Variants in PPP1R12A observed in about 807,000 individuals in gnomAD.
PPP1R12A encodes the protein protein phosphatase 1 regulatory subunit 12A.
PPP1R12A carries 19 observed loss-of-function variants against 139.6 expected under a neutral mutation model. The ratio of observed to expected loss-of-function variants is 0.14; its 90% CI spans 0.09 to 0.20. PPP1R12A has a LOEUF of 0.20. Ranked by LOEUF, PPP1R12A falls within the 10% of genes least tolerant of loss-of-function variation. The probability of loss-of-function intolerance (pLI) is 1.00; values close to 1 mark genes in which losing one functional copy is unlikely to be tolerated. For synonymous variants in PPP1R12A, 427 were observed against 420.6 expected, an observed-to-expected ratio of 1.02 and a Z score of -0.19; for missense variants, 925 against 1,211.5, an observed-to-expected ratio of 0.76 and a Z score of 3.51.
At chr12:79,888,353 T>C (rs1884293002) in intron 1 of PPP1R12A, among the ~76,000 whole-genome samples, 1 of 152,074 alleles carries the variant, frequency 6.6e-6, no homozygotes, top group South Asian at 2.1e-4. Context: ...ATACATTAGA[T>C]TGTGAACCAC....
At chr12:79,809,748 A>G in intron 10 of PPP1R12A, 47 bp downstream of exon 10, 4 of 1,448,306 alleles carry the variant, frequency 2.8e-6, no homozygotes, top group African/African-American at 1.4e-5. Context: ...TTCCTGGAAA[A>G]GAAATCATAA....
intron 3 of PPP1R12A, among the ~76,000 whole-genome samples, chr12:79,841,955 A>G (rs1308555174): frequency 1.3e-5 from 2 of 151,950 alleles, no homozygotes; most frequent in African/African-American, 2.4e-5. Context: ...ATCACTTTTT[A>G]TAACACCTCA....
At chr12:79,814,837 A>AAAAAAAAAAAAAAAAAAT (rs1255673726) in intron 9 of PPP1R12A, among the ~76,000 whole-genome samples, 1 of 151,044 alleles carries the variant, frequency 6.6e-6, no homozygotes, top group Non-Finnish European at 1.5e-5. Flanking sequence ...AAAAAAAAAA[A>AAAAAAAAAAAAAAAAAAT]AAAATTCAAA....
chr12:79,798,734 A>C (rs898762582), intron 14 of PPP1R12A, 150 bp from the exon 15 acceptor site: 2 of 405,666 alleles, frequency 4.9e-6, no homozygotes, highest in African/African-American at 4.1e-5. Context: ...AAATTCAATA[A>C]TGCAATCTTA....
intron 1 of PPP1R12A, among the ~76,000 whole-genome samples, chr12:79,917,189 C>A (rs1887061932): frequency 6.6e-6 from 1 of 152,068 alleles, no homozygotes; most frequent in South Asian, 2.1e-4. Context: ...CCATGTTATA[C>A]AGAGTTAAGA....
chr12:79,817,816 A>T (rs1875594038), intron 8 of PPP1R12A, among the ~76,000 whole-genome samples: 1 of 152,248 alleles, frequency 6.6e-6, no homozygotes, highest in African/African-American at 2.4e-5. Context: ...GAAATTTAAG[A>T]TTTAAAACTT....
At chr12:79,875,868 C>A (rs1333028339) in intron 1 of PPP1R12A, among the ~76,000 whole-genome samples, 1 of 152,018 alleles carries the variant, frequency 6.6e-6, no homozygotes, top group East Asian at 1.9e-4. Context: ...ACTTAACCAC[C>A]AAAGGAAGTT....
At chr12:79,799,188 G>A (rs759430418) in intron 14 of PPP1R12A, among the ~76,000 whole-genome samples, 2 of 151,562 alleles carry the variant, frequency 1.3e-5, no homozygotes, top group South Asian at 2.1e-4. Flanking sequence ...TCGCTCTGTC[G>A]CCCAGGCTGG....
intron 1 of PPP1R12A, among the ~76,000 whole-genome samples, chr12:79,905,855 G>A (rs1886065570): frequency 6.6e-6 from 1 of 152,134 alleles, no homozygotes; most frequent in Non-Finnish European, 1.5e-5. Context: ...TAAACTGAAA[G>A]AAGTAAATTA....
At chr12:79,893,056 T>C (rs996400739) in intron 1 of PPP1R12A, among the ~76,000 whole-genome samples, 8 of 151,550 alleles carry the variant, frequency 5.3e-5, no homozygotes, top group African/African-American at 9.7e-5. Context: ...TGAGCCAAGA[T>C]TGCGCCACTG....
chr12:79,900,280 T>G (rs1885515129), intron 1 of PPP1R12A, among the ~76,000 whole-genome samples: 1 of 152,160 alleles, frequency 6.6e-6, no homozygotes, highest in African/African-American at 2.4e-5. Context: ...CTTATAACAA[T>G]TTATTATGCT....
chr12:79,866,897 G>A (rs1163339902), intron 2 of PPP1R12A, among the ~76,000 whole-genome samples: 2 of 152,190 alleles, frequency 1.3e-5, no homozygotes, highest in Admixed American at 6.5e-5. Context: ...CAACCATTAT[G>A]GAAGACAGTG....
At chr12:79,917,578 A>G (rs1887102504) in intron 1 of PPP1R12A, among the ~76,000 whole-genome samples, 1 of 152,084 alleles carries the variant, frequency 6.6e-6, no homozygotes, top group African/African-American at 2.4e-5. Flanking sequence ...ACTCAAAGTC[A>G]AAATAACCCA....
intron 20 of PPP1R12A, among the ~76,000 whole-genome samples, chr12:79,790,206 T>C (rs61951137): frequency 1.7e-3 from 259 of 152,292 alleles, no homozygotes; most frequent in Non-Finnish European, 3.1e-3. Flanking sequence ...ATGTTAATAA[T>C]GAGATAGTTG....
intron 1 of PPP1R12A, among the ~76,000 whole-genome samples, chr12:79,911,250 G>A (rs559361669): frequency 4.6e-5 from 7 of 151,834 alleles, no homozygotes; most frequent in Admixed American, 1.3e-4. Context: ...CCCTCCAGGC[G>A]CAACACCCTG....
At chr12:79,842,616 A>T (rs1000853303) in intron 3 of PPP1R12A, among the ~76,000 whole-genome samples, 58 of 130,866 alleles carry the variant, frequency 4.4e-4, no homozygotes, top group African/African-American at 1.7e-3. Context: ...TGTGTGTGTG[A>T]GTCCTGCCCA....
At chr12:79,921,709 GATCT>G (rs1471551231) in intron 1 of PPP1R12A, among the ~76,000 whole-genome samples, 1 of 152,152 alleles carries the variant, frequency 6.6e-6, no homozygotes, top group Non-Finnish European at 1.5e-5. Context: ...GATAAATGGT[GATCT>G]CTCTATGTTT....
At chr12:79,841,466 C>T (rs760220302) in intron 3 of PPP1R12A, among the ~76,000 whole-genome samples, 2 of 152,078 alleles carry the variant, frequency 1.3e-5, no homozygotes, top group African/African-American at 2.4e-5. Context: ...GATTGTCTTG[C>T]TTTTTTTATT....
intron 1 of PPP1R12A, among the ~76,000 whole-genome samples, chr12:79,880,815 T>C (rs1883570118): frequency 6.6e-6 from 1 of 152,182 alleles, no homozygotes; most frequent in Admixed American, 6.5e-5. Context: ...TGAAGGTTTG[T>C]GGCAACCCCG....
Sources: gnomAD v4.1 joint callset for allele counts (sites outside exome capture counted in the v4.1 genomes callset) on GRCh38, gnomAD v4.1.1 for gene constraint, MANE v1.5 for transcripts, NCBI Gene and HGNC (gene_info 2026-07-23, HGNC 2026-07-21) for gene names.